The following AASDH variants were observed in gnomAD, a reference collection of about 807,000 sequenced individuals.
The protein encoded by AASDH is aminoadipate-semialdehyde dehydrogenase.
In AASDH, 81 loss-of-function variants were observed where a neutral mutation model predicts 102.3. The ratio of observed to expected loss-of-function variants is 0.79; its 90% CI spans 0.66 to 0.95. The LOEUF is 0.95. AASDH is among the 40% of genes least tolerant of loss of function. The pLI, the probability that AASDH is intolerant of heterozygous loss-of-function variation, is 0.00. For missense variants in AASDH, 1,203 were observed against 1,266.2 expected (o/e 0.95, Z 0.76); for synonymous variants, 398 against 454.0 (o/e 0.88, Z 1.57).
At chr4:56,372,996 T>C (rs1751926521) in intron 4 of AASDH, among the ~76,000 whole-genome samples, 1 of 152,204 alleles carries the variant, frequency 6.6e-6, no homozygotes, top group Non-Finnish European at 1.5e-5. Flanking sequence ...CCTCTCTGTG[T>C]GGCATTTCTT....
Position 56,345,162 on chromosome 4 carries a change from A to T in AASDH, c.2617T>A (p.Ser873Thr). 6.2e-7 allele frequency: 1 copy of T among 1,614,082 alleles called. No individual in the cohort carries two copies. The highest frequency in any genetic ancestry group is 8.5e-7 in the Non-Finnish European group (1 of 1,180,016). ...AAAGCATATGCGTGCTGGTCATGAG[A>T]TCCAATGTAAATGAGTCCTGTGGTT... Reference protein sequence around the residue: ...DPTTGLIYIGSHDQHAYALDI... With the variant: ...DPTTGLIYIGTHDQHAYALDI... The change falls in exon 12 of 15, where the codon TCT (serine) becomes ACT (threonine). Residue 873 changes from serine (S) to threonine (T), a missense_variant. Physicochemically the swap from Ser to Thr is moderately conservative, Grantham distance 58 (BLOSUM62 1). Transcript: ENST00000205214.
intron 13 of AASDH, 106 bp from the exon 14 acceptor site, chr4:56,343,072 G>A: frequency 8.7e-7 from 1 of 1,154,732 alleles, no homozygotes; most frequent in Non-Finnish European, 1.1e-6. Context: ...TAAAATAGCA[G>A]AAAATGCTGT....
chr4:56,362,754 G>T (rs1750462327), intron 5 of AASDH, among the ~76,000 whole-genome samples: 1 of 152,088 alleles, frequency 6.6e-6, no homozygotes, highest in Non-Finnish European at 1.5e-5. Flanking sequence ...GAACCCTGGG[G>T]GTGGAGCCAA....
intron 1 of AASDH, among the ~76,000 whole-genome samples, chr4:56,386,276 G>T (rs1181861903): frequency 6.6e-6 from 1 of 152,120 alleles, no homozygotes; most frequent in Non-Finnish European, 1.5e-5. Context: ...AAATTATGAG[G>T]AATGAGTTCA....
intron 11 of AASDH, among the ~76,000 whole-genome samples, chr4:56,346,304 G>C (rs1343642455): frequency 5.3e-5 from 8 of 152,134 alleles, no homozygotes; most frequent in Admixed American, 5.2e-4. Context: ...TCCCCTGGCA[G>C]TTATTATTTA....
intron 4 of AASDH, among the ~76,000 whole-genome samples, chr4:56,373,136 T>C (rs999925023): frequency 5.9e-5 from 9 of 152,204 alleles, no homozygotes; most frequent in African/African-American, 1.7e-4. Context: ...TCTATATTTC[T>C]AGTTTTTTTG....
chr4:56,339,923 C>T (rs1560559114), intron 14 of AASDH, among the ~76,000 whole-genome samples: 1 of 150,984 alleles, frequency 6.6e-6, no homozygotes, highest in Admixed American at 6.6e-5. Flanking sequence ...AATCCCAACA[C>T]TTTGGGAGGC....
intron 1 of AASDH, 34 bp from the exon 2 acceptor site, chr4:56,384,375 A>G (rs2110015901): frequency 7.8e-7 from 1 of 1,284,358 alleles, no homozygotes; most frequent in Admixed American, 1.8e-5. Flanking sequence ...GGGGAGAGGG[A>G]GTTTTAGAGA....
At chr4:56,339,134 C>CT (rs1185482147) in intron 14 of AASDH, among the ~76,000 whole-genome samples, 1 of 151,486 alleles carries the variant, frequency 6.6e-6, no homozygotes, top group African/African-American at 2.4e-5. Context: ...TCAATATTAT[C>CT]TTTTTTTAAT....
intron 5 of AASDH, among the ~76,000 whole-genome samples, chr4:56,359,181 C>T (rs1749992603): frequency 6.6e-6 from 1 of 151,640 alleles, no homozygotes; most frequent in South Asian, 2.1e-4. Flanking sequence ...GTCTGTCTCC[C>T]CTCATATATG....
chr4:56,379,100 G>A (rs1337620120), intron 3 of AASDH, among the ~76,000 whole-genome samples: 9 of 151,910 alleles, frequency 5.9e-5, no homozygotes, highest in Non-Finnish European at 1.2e-4. Context: ...TGTTAGCCAG[G>A]ATGGTCTTGA....
chr4:56,373,889 G>A (rs1752032644), intron 4 of AASDH, among the ~76,000 whole-genome samples: 1 of 151,630 alleles, frequency 6.6e-6, no homozygotes, highest in African/African-American at 2.4e-5. Flanking sequence ...TATAAGAAAA[G>A]TTGAAAAAAA....
chr4:56,341,352 C>T (rs942684248), intron 14 of AASDH, among the ~76,000 whole-genome samples: 1 of 148,474 alleles, frequency 6.7e-6, no homozygotes, highest in Middle Eastern at 3.5e-3. Flanking sequence ...GAAATCATGT[C>T]ATTTGCAGCA....
At chr4:56,384,029 G>T in intron 2 of AASDH, 41 bp downstream of exon 2, 1 of 1,518,936 alleles carries the variant, frequency 6.6e-7, no homozygotes, top group Non-Finnish European at 9.1e-7. Flanking sequence ...ATTTACATTA[G>T]CTTGGAGTAA....
Position 56,353,695 on chromosome 4 carries a change from A to G in AASDH, c.1384-99T>C, listed in dbSNP as rs189996461. 2.0e-4 allele frequency: 225 copies of G among 1,126,456 alleles called. 1 individual carries two copies. In the African/African-American group the frequency reaches 3.4e-3, roughly 17 times the overall value. The allele number at this position is 1,126,456 out of a possible 1,614,324, so 69.8% of individuals were successfully genotyped here. A position where few individuals can be genotyped will look rare whatever the true frequency, so the allele number is the denominator to read the frequency against. ...TGTCTGAAATCAAAACAGCTGAATT[A>G]AATTTTGGAATATACTGGAGATTTT... On this transcript the variant is annotated intron_variant, in intron 8 of 14. Coordinates refer to ENST00000205214, the MANE Select transcript of AASDH (RefSeq NM_181806.4).
chr4:56,338,578 C>T lies in AASDH; in HGVS notation c.3121G>A (p.Ala1041Thr), dbSNP rs376073915. Residue 1041 changes from alanine to threonine, a missense_variant, in exon 15 of 15, where the codon GCA becomes ACA. Physicochemically the swap from Ala to Thr is moderately conservative, Grantham distance 58. Coordinates refer to ENST00000205214, the MANE Select transcript of AASDH (RefSeq NM_181806.4). ...NGSNEMLLAA[A>T]STDGKVWILE... ...ATCCACACTTTCCCATCAGTAGATG[C>T]TGCTGCCAGCAACATTTCATTGCTG... 2 of 1,614,178 alleles carry T rather than the reference C, an allele frequency of 1.2e-6. No individual in the cohort carries two copies. The highest frequency in any genetic ancestry group is 1.7e-6 in the Non-Finnish European group (2 of 1,180,022).
At chr4:56,378,050 C>T (rs1310663157) in intron 4 of AASDH, 98 bp downstream of exon 4, 22 of 1,204,274 alleles carry the variant, frequency 1.8e-5, no homozygotes, top group Non-Finnish European at 2.5e-5. Flanking sequence ...AAGTGATCCA[C>T]CCGCCTCAGC....
chr4:56,384,469 T>C (rs906450456), intron 1 of AASDH, 128 bp from the exon 2 acceptor site: 1 of 578,332 alleles, frequency 1.7e-6, no homozygotes, highest in Non-Finnish European at 3.0e-6. Flanking sequence ...ATGAAGAATC[T>C]CTGAACTTAT....
Position 56,342,869 on chromosome 4 carries a change from C to G in AASDH, c.2873G>C (p.Gly958Ala). The G allele has an allele frequency of 6.5e-7, 1 of 1,527,260 alleles. No homozygotes were observed. Among genetic ancestry groups the G allele is most frequent in the East Asian group, 2.4e-5 (1 of 41,044 alleles). 94.6% of individuals were successfully genotyped at this position (1,527,260 alleles called of 1,614,324 possible). A position where few individuals can be genotyped will look rare whatever the true frequency, so the allele number is the denominator to read the frequency against. ...SQYICIGCVDGNLLCFTHFGE... is the reference protein window; with the variant it reads ...SQYICIGCVDANLLCFTHFGE... ...AAAGTGAGTAAAGCAGAGTAAATTC[C>G]CATCTACACAGCCAATACAAATATA... Residue 958 changes from glycine (G) to alanine (A), a missense_variant, in exon 14 of 15, where the codon GGG becomes GCG. Physicochemically the swap from Gly to Ala is moderately conservative, Grantham distance 60 (BLOSUM62 0). Transcript: ENST00000205214.
Sources: allele counts gnomAD v4.1 joint callset (sites outside exome capture counted in the v4.1 genomes callset), GRCh38; gene constraint gnomAD v4.1.1; transcripts MANE v1.5; gene names NCBI Gene and HGNC (gene_info 2026-07-23, HGNC 2026-07-21).